Variants in PCDHGA7 observed in about 807,000 individuals in gnomAD.
The protein encoded by PCDHGA7 is protocadherin gamma subfamily A, 7.
Under a neutral mutation model 58.3 loss-of-function variants are expected in PCDHGA7, and 44 were observed. The ratio of observed to expected loss-of-function variants is 0.75; its 90% CI spans 0.59 to 0.97. The LOEUF (loss-of-function observed/expected upper bound fraction) is 0.97, where lower values mean the gene tolerates loss of function less well. PCDHGA7 is among the 50% of genes least tolerant of loss of function. PCDHGA7 has a pLI of 0.00. For synonymous variants in PCDHGA7, 516 were observed against 504.2 expected (o/e 1.02, Z -0.31); for missense variants, 1,266 against 1,188.7 (o/e 1.06, Z -0.96).
chr5:141,456,335 G>A (rs2098850730), intron 1 of PCDHGA7, among the ~76,000 whole-genome samples: 1 of 152,114 alleles, frequency 6.6e-6, no homozygotes. Flanking sequence ...TTGATCTAAG[G>A]GTCCTCGGAA....
Position 141,476,102 on chromosome 5 carries a change from C to G in PCDHGA7, c.2425-18705C>G, listed in dbSNP as rs1488747783. The G allele has an allele frequency of 1.3e-6, 2 of 1,576,940 alleles. No homozygotes were observed. Among genetic ancestry groups the G allele is most frequent in the African/African-American group, 2.7e-5 (2 of 73,926 alleles). ...ACGATCTGGACCCCGCTGAGAGGAA[C>G]TGCTTTTGAGTGAGATGGTCCCAGA... On this transcript the variant is annotated intron_variant, in intron 1 of 3. Transcript: ENST00000518325. The surrounding 1 kb of genome is among the most constrained non-coding windows in gnomAD (Gnocchi z 7.6).
chr5:141,399,797 G>T, intron 1 of PCDHGA7: 2 of 1,613,192 alleles, frequency 1.2e-6, no homozygotes, highest in Non-Finnish European at 8.5e-7. Context: ...AACGCACCGC[G>T]GGTGCTGTAC....
At chr5:141,403,334 G>T (rs2094392979) in intron 1 of PCDHGA7, 2 of 1,613,972 alleles carry the variant, frequency 1.2e-6, no homozygotes, top group Non-Finnish European at 1.7e-6. Flanking sequence ...TGATATTAAC[G>T]ACAGCGCCCC....
At position 141,485,791 on chromosome 5, in the gene PCDHGA7, G is replaced by A; in HGVS notation, c.2425-9016G>A. The A allele has an allele frequency of 6.2e-7, 1 of 1,614,196 alleles. No homozygotes were observed. The highest frequency in any genetic ancestry group is 8.5e-7 in the Non-Finnish European group (1 of 1,180,032). ...AGCCTTTGGATCGAGAGAAGCAATC[G>A]GACTACCGCCTGGTGCTGACTGCTG... On this transcript the variant is annotated intron_variant, in intron 1 of 3. Transcript: ENST00000518325. The surrounding 1 kb of genome is among the most constrained non-coding windows in gnomAD (Gnocchi z 5.7).
intron 1 of PCDHGA7, chr5:141,427,448 TC>T (rs1355717683): frequency 6.2e-6 from 3 of 484,982 alleles, no homozygotes; most frequent in Non-Finnish European, 1.2e-5. Flanking sequence ...ACGAAAGAGT[TC>T]CTTTTAGAAT....
intron 1 of PCDHGA7, chr5:141,399,413 C>A (rs1456440098): frequency 1.2e-6 from 2 of 1,613,930 alleles, no homozygotes; most frequent in African/African-American, 1.3e-5. Context: ...CCGCCCCTCT[C>A]CTCCAGCATA....
At chr5:141,395,516 G>A (rs1402459220) in intron 1 of PCDHGA7, 1 of 407,820 alleles carries the variant, frequency 2.5e-6, no homozygotes, top group Non-Finnish European at 4.4e-6. Context: ...GTAGCTACCC[G>A]TCCATACTGG....
intron 1 of PCDHGA7, chr5:141,478,865 T>G: frequency 7.5e-7 from 1 of 1,326,190 alleles, no homozygotes; most frequent in Non-Finnish European, 1.0e-6. Context: ...ATCTCAGCGA[T>G]CAGAGTTTAG....
intron 1 of PCDHGA7, 106 bp from the exon 2 acceptor site, chr5:141,494,701 C>T: frequency 6.3e-7 from 1 of 1,594,596 alleles, no homozygotes; most frequent in Admixed American, 1.7e-5. Flanking sequence ...CCGTTTTCTT[C>T]TCTGTGCCCA....
At chr5:141,499,908 G>T (rs903753761) in intron 2 of PCDHGA7, among the ~76,000 whole-genome samples, 1 of 151,980 alleles carries the variant, frequency 6.6e-6, no homozygotes, top group African/African-American at 2.4e-5. Flanking sequence ...GGCTGGTCTT[G>T]AACTCCTGGC....
chr5:141,476,367 G>C lies in PCDHGA7; in HGVS notation c.2425-18440G>C, dbSNP rs754652710. ...TTCTTTGAGGTGAACCGGGAGACCG[G>C]AGAGATGTTTGTGAACGACCGTCTG... On this transcript the variant is annotated intron_variant, in intron 1 of 3. Transcript: ENST00000518325. This position sits in a 1 kb window ranked among gnomAD's most constrained non-coding sequence, Gnocchi z 7.6. 6.2e-7 allele frequency: 1 copy of C among 1,614,172 alleles called. No homozygotes were observed. Among genetic ancestry groups the C allele is most frequent in the Non-Finnish European group, 8.5e-7 (1 of 1,180,036 alleles).
chr5:141,403,592 G>A (rs779516418), intron 1 of PCDHGA7: 1 of 1,613,850 alleles, frequency 6.2e-7, no homozygotes, highest in Non-Finnish European at 8.5e-7. Flanking sequence ...GGTCCTCACG[G>A]CCTCGGATGG....
chr5:141,383,349 T>C lies in PCDHGA7; in HGVS notation c.450T>C (p.Val150=), dbSNP rs781308834. The C allele has an allele frequency of 1.1e-5, 18 of 1,613,856 alleles. No individual in the cohort carries two copies. The African/African-American group carries it at 2.4e-4, about 22-fold the overall frequency. The change falls in exon 1 of 4, where the codon GTT becomes GTC. Residue 150 remains valine, a synonymous_variant. Transcript: ENST00000518325. The stretch of plus-strand genomic sequence containing the variant: ...TAATGGAGAATACAGCTCCTGGGGT[T>C]CGGTTTCCGTTAAGCGAGGCTGGGG... ...VKIMENTAPG[V]RFPLSEAGDP... is the part of the protein sequence containing the mutation.
intron 1 of PCDHGA7, chr5:141,426,791 C>T (rs2096960403): frequency 2.2e-6 from 1 of 456,574 alleles, no homozygotes; most frequent in Non-Finnish European, 4.4e-6. Context: ...TCCAGAGTTA[C>T]CAGCTCAGTT....
intron 1 of PCDHGA7, chr5:141,419,357 AC>A (rs1185938270): frequency 3.7e-6 from 6 of 1,613,814 alleles, no homozygotes; most frequent in Non-Finnish European, 4.2e-6. Context: ...GGAGTCACGA[AC>A]GCTGTCGTCC....
chr5:141,480,710 T>C (rs1174000425), intron 1 of PCDHGA7, among the ~76,000 whole-genome samples: 1 of 152,042 alleles, frequency 6.6e-6, no homozygotes, highest in East Asian at 1.9e-4. Context: ...CCCCGACAAA[T>C]GAAAGCACAG....
chr5:141,415,167 C>T (rs769256903), intron 1 of PCDHGA7: 3 of 1,613,894 alleles, frequency 1.9e-6, no homozygotes, highest in Admixed American at 3.3e-5. Flanking sequence ...CTGTCACGCT[C>T]ACCGTGGCCG....
chr5:141,476,281 T>G lies in PCDHGA7; in HGVS notation c.2425-18526T>G. On this transcript the variant is annotated intron_variant, in intron 1 of 3. Coordinates refer to ENST00000518325, the MANE Select transcript of PCDHGA7 (RefSeq NM_018920.4). This position sits in a 1 kb window ranked among gnomAD's most constrained non-coding sequence, Gnocchi z 7.6. ...TGGGCAACGTGGTCGCGAACCTTGGTTTGGATCTCGGTAGCCTCTCAGCCC... is the reference window on the plus strand; with the variant it reads ...TGGGCAACGTGGTCGCGAACCTTGGGTTGGATCTCGGTAGCCTCTCAGCCC... 1 of 1,614,048 alleles carries G rather than the reference T, an allele frequency of 6.2e-7. No homozygotes were observed. The highest frequency in any genetic ancestry group is 1.1e-5 in the South Asian group (1 of 91,062).
chr5:141,500,189 TTTATTTATTTATTTATTTA>T (rs2099797567), intron 2 of PCDHGA7, among the ~76,000 whole-genome samples: 1 of 110,894 alleles, frequency 9.0e-6, no homozygotes, highest in Non-Finnish European at 1.8e-5. Flanking sequence ...TTTATTTTTA[TTTATTTATTTATTTATTTA>T]TTTATTTATT....
Sources: allele counts gnomAD v4.1 joint callset (sites outside exome capture counted in the v4.1 genomes callset), GRCh38; gene constraint gnomAD v4.1.1; non-coding constraint Gnocchi (gnomAD v3.1); transcripts MANE v1.5; gene names NCBI Gene and HGNC (gene_info 2026-07-23, HGNC 2026-07-21).